The following RAPGEF1 variants were observed in gnomAD, a reference collection of about 807,000 sequenced individuals.
The protein encoded by RAPGEF1 is CRK SH3-binding GNRP.
A neutral mutation model predicts 143.3 loss-of-function variants in RAPGEF1; 33 were observed. The ratio of observed to expected loss-of-function variants is 0.23; its 90% CI spans 0.17 to 0.31. The LOEUF (loss-of-function observed/expected upper bound fraction) is 0.31, where lower values mean the gene tolerates loss of function less well. RAPGEF1 is among the 10% of genes least tolerant of loss of function. The pLI is 1.00. For missense variants in RAPGEF1, 1,199 were observed against 1,645.4 expected, an observed-to-expected ratio of 0.73 and a Z score of 4.69; for synonymous variants, 629 against 676.5, an observed-to-expected ratio of 0.93 and a Z score of 1.09.
At chr9:131,716,087 C>T (rs1392453613) in intron 1 of RAPGEF1, among the ~76,000 whole-genome samples, 2 of 152,308 alleles carry the variant, frequency 1.3e-5, no homozygotes, top group South Asian at 2.1e-4. Context: ...CCACTGGCCA[C>T]TGCTGCTGGA....
In RAPGEF1 at chr9:131,584,423, A is replaced by G; in HGVS notation, c.3313-11T>C. On this transcript the variant is annotated splice_polypyrimidine_tract_variant and intron_variant, in intron 23 of 26. Coordinates refer to ENST00000683357, the MANE Select transcript of RAPGEF1 (RefSeq NM_001377935.1). The surrounding 1 kb of genome is among the most constrained non-coding windows in gnomAD (Gnocchi z 6.8). ...CAGCTTCCGCAAGTGCTGCCGAGAG[A>G]GGGGCGGTGCCGTGAGGCAGGAGGG... 1 of 1,613,578 alleles carries G rather than the reference A, an allele frequency of 6.2e-7. No homozygotes were observed. The highest frequency in any genetic ancestry group is 8.5e-7 in the Non-Finnish European group (1 of 1,179,686).
Position 131,626,111 on chromosome 9 carries a change from T to A in RAPGEF1, c.1513A>T (p.Ile505Phe), listed in dbSNP as rs373197789. ...YERHPSQYDN[I>F]SGEDLQSTAP... ...GTGCTCTGCAGGTCCTCCCCAGAGA[T>A]GTTGTCATACTGCGAGGGATGCCGC... is the stretch of plus-strand genomic sequence containing the variant. The change falls in exon 10 of 27, where the codon ATC becomes TTC. Residue 505 changes from isoleucine to phenylalanine, a missense_variant. By Grantham distance (21) the Ile-to-Phe change is conservative. Transcript: ENST00000683357. 6.2e-7 allele frequency: 1 copy of A among 1,613,820 alleles called. No homozygotes were observed. Among genetic ancestry groups the A allele is most frequent in the East Asian group, 2.2e-5 (1 of 44,870 alleles).
intron 1 of RAPGEF1, among the ~76,000 whole-genome samples, chr9:131,729,276 G>C (rs1035304783): frequency 1.5e-5 from 2 of 131,838 alleles, no homozygotes; most frequent in Non-Finnish European, 1.5e-5. Context: ...CAAGGGCACT[G>C]ACGCCTCAGC....
rs530351728 is a variant in RAPGEF1 at position 131,627,976 on chromosome 9, G to C, written c.1138C>G (p.Gln380Glu). The C allele has an allele frequency of 6.3e-7, 1 of 1,592,506 alleles. No homozygotes were observed. Among genetic ancestry groups the C allele is most frequent in the South Asian group, 1.1e-5 (1 of 87,368 alleles). ...SIGKLSKSDE[Q>E]LSSLDRDSGQ... ...CTGTCCCTGTCCAGAGAGGACAGCT[G>C]CTCGTCTGACTTGCTGAGCTTGCCT... Residue 380 changes from glutamine (Q) to glutamate (E), a missense_variant, in exon 9 of 27, where the codon CAG (glutamine) becomes GAG (glutamate). Gln to Glu is a conservative substitution (Grantham distance 29). Coordinates refer to ENST00000683357, the MANE Select transcript of RAPGEF1 (RefSeq NM_001377935.1).
chr9:131,639,971 G>A (rs551488761), intron 4 of RAPGEF1, among the ~76,000 whole-genome samples: 3 of 152,334 alleles, frequency 2.0e-5, no homozygotes, highest in East Asian at 1.9e-4. Flanking sequence ...TCCAACAGGA[G>A]AAAAGGGTCG....
At position 131,650,235 on chromosome 9, in the gene RAPGEF1, G is replaced by A; in HGVS notation, c.209C>T (p.Thr70Ile). The A allele has an allele frequency of 6.2e-7, 1 of 1,611,012 alleles. No individual in the cohort carries two copies. Reference protein sequence around the residue: ...IPEKPVNKEATDRFLPEGYPL... With the variant: ...IPEKPVNKEAIDRFLPEGYPL... ...GTAGCCCTCTGGTAGAAATCTGTCT[G>A]TTGCCTCCTGGAAGAGAGGAAACCT... The change falls in exon 3 of 27, where the codon ACA (threonine) becomes ATA (isoleucine). Residue 70 changes from threonine (T) to isoleucine (I), a missense_variant. By Grantham distance (89) the Thr-to-Ile change is moderately conservative. Transcript: ENST00000683357. This position sits in a 1 kb window ranked among gnomAD's most constrained non-coding sequence, Gnocchi z 4.7.
Position 131,739,874 on chromosome 9 carries a change from C to A in RAPGEF1, c.-44G>T. 1.0e-6 allele frequency: 1 copy of A among 982,738 alleles called. No individual in the cohort carries two copies. Among genetic ancestry groups the A allele is most frequent in the Non-Finnish European group, 1.2e-6 (1 of 828,248 alleles). 60.9% of individuals were successfully genotyped at this position (982,738 alleles called of 1,614,324 possible). A position where few individuals can be genotyped will look rare whatever the true frequency, so the allele number is the denominator to read the frequency against. On this transcript the variant is annotated 5_prime_UTR_variant, in exon 1 of 27. Transcript: ENST00000683357. ...CCGCGGGGCGACAGGGGCGGCGCGC[C>A]CGCCGCTCGCCTCGGCCCTGGCTCG...
chr9:131,622,338 G>A (rs1289257516), intron 10 of RAPGEF1, among the ~76,000 whole-genome samples: 2 of 152,196 alleles, frequency 1.3e-5, no homozygotes, highest in Non-Finnish European at 2.9e-5. Flanking sequence ...CAAGTGCCAC[G>A]AGCAGCTGCC....
intron 1 of RAPGEF1, among the ~76,000 whole-genome samples, chr9:131,662,547 TTTTG>T (rs751118565): frequency 3.5e-4 from 52 of 149,528 alleles, no homozygotes; most frequent in Admixed American, 1.4e-3. Flanking sequence ...TTTTGTTTTA[TTTTG>T]TTTTTTTTTT....
chr9:131,672,892 C>A (rs1316674167), intron 1 of RAPGEF1, among the ~76,000 whole-genome samples: 1 of 152,160 alleles, frequency 6.6e-6, no homozygotes, highest in Non-Finnish European at 1.5e-5. Context: ...CTGAATCAGG[C>A]TCTTCTGGTA....
chr9:131,590,011 T>C (rs3818581), intron 18 of RAPGEF1, 33 bp from the exon 19 acceptor site: 1,337,443 of 1,590,840 alleles, frequency 0.84, 563,221 homozygotes, highest in African/African-American at 0.94. Flanking sequence ...AGCCATGTGG[T>C]CGGCTGAGGG....
chr9:131,646,431 T>C (rs1969648298), intron 3 of RAPGEF1, among the ~76,000 whole-genome samples: 1 of 152,204 alleles, frequency 6.6e-6, no homozygotes, highest in African/African-American at 2.4e-5. Flanking sequence ...AAGACCCCGA[T>C]GGCAGAGATG....
At chr9:131,739,696 C>T in intron 1 of RAPGEF1, 74 bp downstream of exon 1, 1 of 1,000,894 alleles carries the variant, frequency 1.0e-6, no homozygotes. Context: ...GGGCGACCCG[C>T]GCTCGGCCCG....
At chr9:131,592,076 C>T (rs770404040) in intron 18 of RAPGEF1, 23 bp downstream of exon 18, 1 of 1,573,494 alleles carries the variant, frequency 6.4e-7, no homozygotes, top group Admixed American at 1.7e-5. Context: ...TGCAGGGGCC[C>T]TGGGTCAGGA....
chr9:131,625,814 T>C (rs1170596361), intron 10 of RAPGEF1, 108 bp downstream of exon 10: 11 of 1,413,360 alleles, frequency 7.8e-6, no homozygotes, highest in Non-Finnish European at 1.0e-5. Flanking sequence ...CTATCTTTTA[T>C]GAAATAATGA....
intron 12 of RAPGEF1, among the ~76,000 whole-genome samples, chr9:131,612,458 A>G (rs920745391): frequency 4.6e-5 from 7 of 152,132 alleles, no homozygotes; most frequent in East Asian, 1.9e-4. Flanking sequence ...AAAGCCCCCA[A>G]TGCGAGGCAC....
At chr9:131,728,373 G>A (rs184043250) in intron 1 of RAPGEF1, among the ~76,000 whole-genome samples, 21 of 152,286 alleles carry the variant, frequency 1.4e-4, no homozygotes, top group East Asian at 3.9e-4. Context: ...AAGTCACCCC[G>A]CAAGGAGAAA....
chr9:131,602,259 G>A, intron 14 of RAPGEF1, 110 bp from the exon 15 acceptor site: 2 of 699,484 alleles, frequency 2.9e-6, no homozygotes, highest in South Asian at 1.8e-5. Context: ...TTCCTATGGA[G>A]CAATCTCAGA....
intron 1 of RAPGEF1, among the ~76,000 whole-genome samples, chr9:131,701,667 TCATAA>T (rs1455825788): frequency 6.6e-6 from 1 of 152,232 alleles, no homozygotes. Flanking sequence ...AAATATAAAA[TCATAA>T]CATATACAGT....
Sources: gnomAD v4.1 joint callset for allele counts (sites outside exome capture counted in the v4.1 genomes callset) on GRCh38, gnomAD v4.1.1 for gene constraint, Gnocchi (gnomAD v3.1) non-coding constraint, MANE v1.5 for transcripts, NCBI Gene and HGNC (gene_info 2026-07-23, HGNC 2026-07-21) for gene names.